CTTNBP2: variants seen among roughly 807,000 people sequenced by gnomAD.
CTTNBP2 encodes cortactin-binding protein 2.
Under a neutral mutation model 156.9 loss-of-function variants are expected in CTTNBP2, and 108 were observed. The ratio of observed to expected loss-of-function variants is 0.69; its 90% confidence interval spans 0.59 to 0.81. The LOEUF (loss-of-function observed/expected upper bound fraction) is 0.81, where lower values mean the gene tolerates loss of function less well. CTTNBP2 is among the 30% of genes least tolerant of loss of function. CTTNBP2 has a pLI of 0.00. For missense variants in CTTNBP2, 1,924 were observed against 2,035.4 expected (o/e 0.95, Z 1.05); for synonymous variants, 767 against 751.8 (o/e 1.02, Z -0.33).
At chr7:117,715,284 AC>A (rs1480314983) in intron 22 of CTTNBP2, among the ~76,000 whole-genome samples, 1 of 152,136 alleles carries the variant, frequency 6.6e-6, no homozygotes, top group African/African-American at 2.4e-5. Flanking sequence ...GTGAAAAGCT[AC>A]ATGAAGGCAT....
At chr7:117,718,189 T>C (rs1315580933) in intron 21 of CTTNBP2, 70 bp from the exon 22 acceptor site, 1 of 913,312 alleles carries the variant, frequency 1.1e-6, no homozygotes, top group African/African-American at 1.6e-5. Context: ...CACAGCTAAA[T>C]GGTGGAGAAA....
At chr7:117,756,104 T>G (rs1316272804) in intron 12 of CTTNBP2, among the ~76,000 whole-genome samples, 2 of 152,226 alleles carry the variant, frequency 1.3e-5, no homozygotes, top group Non-Finnish European at 2.9e-5. Context: ...AAAAATAAAC[T>G]TCTATCCTGT....
At chr7:117,791,011 GGT>G (rs1174269364) in intron 4 of CTTNBP2, 115 bp downstream of exon 4, 4 of 790,390 alleles carry the variant, frequency 5.1e-6, no homozygotes, top group Non-Finnish European at 8.1e-6. Context: ...AAGAAATGGG[GGT>G]GGGGGGAAGC....
intron 3 of CTTNBP2, among the ~76,000 whole-genome samples, chr7:117,808,923 C>T (rs906334023): frequency 2.6e-5 from 4 of 152,100 alleles, no homozygotes; most frequent in Admixed American, 1.3e-4. Context: ...TATAACTCTT[C>T]GCATACACTA....
intron 4 of CTTNBP2, 97 bp downstream of exon 4, chr7:117,791,031 T>TA (rs1295223767): frequency 1.8e-5 from 19 of 1,053,596 alleles, no homozygotes; most frequent in Non-Finnish European, 2.3e-5. Flanking sequence ...AGCATCAAAT[T>TA]TAAAAAAAAA....
intron 8 of CTTNBP2, among the ~76,000 whole-genome samples, chr7:117,770,170 T>A (rs1173771057): frequency 2.0e-5 from 3 of 152,198 alleles, no homozygotes; most frequent in Admixed American, 6.5e-5. Context: ...TCAAGACAAT[T>A]TAAGTGTTAT....
rs1483097100 is a variant in CTTNBP2, at chr7:117,791,851, TAGCTG to T, written c.1340_1344del (p.Ala447GlufsTer3). 1 of 1,614,196 alleles carries T rather than the reference TAGCTG, an allele frequency of 6.2e-7. No homozygotes were observed. The highest frequency in any genetic ancestry group is 8.5e-7 in the Non-Finnish European group (1 of 1,180,016). ...TTAGCATTGCCCTGAAATCTAAATC[TAGCTG>T]CTTGGATTCGTGGGTTTAGACCTGG... On this transcript the variant is annotated frameshift_variant, in exon 4 of 23. Coordinates refer to ENST00000160373, the MANE Select transcript of CTTNBP2 (RefSeq NM_033427.3). LOFTEE classifies it high-confidence loss of function.
At chr7:117,870,666 T>C (rs913186328) in intron 1 of CTTNBP2, among the ~76,000 whole-genome samples, 2 of 152,250 alleles carry the variant, frequency 1.3e-5, no homozygotes, top group South Asian at 4.1e-4. Context: ...ATAAAAAGCA[T>C]GAAGATTTCG....
Position 117,863,596 on chromosome 7 carries a change from G to A in CTTNBP2, c.82-2280C>T, listed in dbSNP as rs544570471. ...CTAACAAGCTCCTGCTGATGTTGCTGGTCCACGGACTACATGGTGAGGAGC... is the reference window on the plus strand; with the variant it reads ...CTAACAAGCTCCTGCTGATGTTGCTAGTCCACGGACTACATGGTGAGGAGC... On this transcript the variant is annotated intron_variant, in intron 1 of 22. Transcript: ENST00000160373. Among the ~76,000 whole-genome samples the A allele has an allele frequency of 5.9e-5, 9 of 152,324 alleles. No homozygotes were observed. The South Asian group carries it at 1.9e-3, about 32-fold the overall frequency.
chr7:117,766,146 A>T (rs1013572980), intron 9 of CTTNBP2, among the ~76,000 whole-genome samples: 4 of 152,192 alleles, frequency 2.6e-5, no homozygotes, highest in African/African-American at 9.7e-5. Context: ...TTAGGTTAGC[A>T]TCAGCTTGTA....
At chr7:117,846,793 A>G (rs2117166804) in intron 2 of CTTNBP2, among the ~76,000 whole-genome samples, 2 of 152,258 alleles carry the variant, frequency 1.3e-5, no homozygotes, top group Non-Finnish European at 2.9e-5. Flanking sequence ...TAAATGTATC[A>G]AGATTTAAAA....
intron 12 of CTTNBP2, among the ~76,000 whole-genome samples, chr7:117,749,713 T>A (rs540781434): frequency 3.9e-5 from 6 of 152,292 alleles, no homozygotes; most frequent in Non-Finnish European, 7.3e-5. Context: ...TTTTTTATTT[T>A]TTTTTTAATC....
intron 14 of CTTNBP2, among the ~76,000 whole-genome samples, chr7:117,739,896 C>CT (rs1795903100): frequency 1.3e-5 from 2 of 152,188 alleles, no homozygotes; most frequent in African/African-American, 4.8e-5. Context: ...ATCCTCATTA[C>CT]TTTTACAAAG....
At chr7:117,767,319 T>C in intron 8 of CTTNBP2, 143 bp from the exon 9 acceptor site, 1 of 619,970 alleles carries the variant, frequency 1.6e-6, no homozygotes, top group South Asian at 2.0e-5. Context: ...AACCCCAATA[T>C]ACAGATTAAT....
chr7:117,850,900 T>C (rs1041478931), intron 2 of CTTNBP2, among the ~76,000 whole-genome samples: 3 of 152,204 alleles, frequency 2.0e-5, no homozygotes, highest in African/African-American at 4.8e-5. Context: ...ACACCTGATA[T>C]GATAAATATA....
At chr7:117,717,010 T>G (rs78441145) in intron 22 of CTTNBP2, among the ~76,000 whole-genome samples, 1 of 1,082 alleles carries the variant, frequency 9.2e-4, no homozygotes, top group East Asian at 0.036. Context: ...CAAGGTGGCT[T>G]ACAATCAATC....
chr7:117,711,601 T>C lies in CTTNBP2; in HGVS notation c.4928A>G (p.Asn1643Ser), dbSNP rs1794058753. The C allele has an allele frequency of 6.2e-7, 1 of 1,613,948 alleles. No individual in the cohort carries two copies. Among genetic ancestry groups the C allele is most frequent in the African/African-American group, 1.3e-5 (1 of 74,938 alleles). ...GTTCCAATTCACTTCTTTTGAGTTGTTGTTGATTTCTATTTGCCTTGTATT... is the reference window on the plus strand; with the variant it reads ...GTTCCAATTCACTTCTTTTGAGTTGCTGTTGATTTCTATTTGCCTTGTATT... ...SSNTRQIEIN[N>S]NSKEVNWNLH... Residue 1643 changes from asparagine (N) to serine (S), a missense_variant, in exon 23 of 23, where the codon AAC (asparagine) becomes AGC (serine). Asn to Ser is a conservative substitution (Grantham distance 46). Transcript: ENST00000160373.
At chr7:117,712,839 C>G (rs919484660) in intron 22 of CTTNBP2, among the ~76,000 whole-genome samples, 1 of 152,080 alleles carries the variant, frequency 6.6e-6, no homozygotes, top group Non-Finnish European at 1.5e-5. Context: ...AAAAATCTTG[C>G]GGCCAAAGAA....
chr7:117,780,633 G>C (rs201626153), intron 6 of CTTNBP2, 42 bp from the exon 7 acceptor site: 2 of 1,335,040 alleles, frequency 1.5e-6, no homozygotes, highest in South Asian at 1.6e-5. Context: ...ACCTGGGTTT[G>C]ACCTTTGAAG....
Sources: gnomAD v4.1 joint callset for allele counts (sites outside exome capture counted in the v4.1 genomes callset) on GRCh38, gnomAD v4.1.1 for gene constraint, MANE v1.5 for transcripts, NCBI Gene and HGNC (gene_info 2026-07-23, HGNC 2026-07-21) for gene names.